Variants in ITPR3 observed in about 807,000 individuals in gnomAD.
ITPR3 encodes inositol 1,4,5-trisphosphate-gated calcium channel ITPR3.
Under a neutral mutation model 293.2 loss-of-function variants are expected in ITPR3, and 173 were observed. The ratio of observed to expected loss-of-function variants is 0.59; its 90% confidence interval spans 0.52 to 0.67. The LOEUF (loss-of-function observed/expected upper bound fraction) is 0.67. Among genes scored for constraint, ITPR3 ranks in the 30% least tolerant of loss-of-function variants. The pLI, the probability that ITPR3 is intolerant of heterozygous loss-of-function variation, is 0.00. For missense variants in ITPR3, 2,796 were observed against 3,592.1 expected (o/e 0.78, Z 5.66); for synonymous variants, 1,295 against 1,444.4 (o/e 0.90, Z 2.35).
intron 1 of ITPR3, among the ~76,000 whole-genome samples, chr6:33,622,528 C>G (rs555197760): frequency 6.6e-6 from 1 of 152,100 alleles, no homozygotes; most frequent in Non-Finnish European, 1.5e-5. Context: ...GGTGGTTTCT[C>G]CAGCCAGACC....
chr6:33,676,144 T>C (rs1764901141), intron 25 of ITPR3, among the ~76,000 whole-genome samples: 1 of 152,276 alleles, frequency 6.6e-6, no homozygotes, highest in Non-Finnish European at 1.5e-5. Flanking sequence ...CTGACGTGAC[T>C]GGCATTTGCT....
At chr6:33,644,586 A>T (rs367898379) in intron 2 of ITPR3, among the ~76,000 whole-genome samples, 237 of 151,894 alleles carry the variant, frequency 1.6e-3, no homozygotes, top group African/African-American at 5.3e-3. Context: ...CTCATGCCTA[A>T]CACAAAGCTT....
chr6:33,693,669 C>T lies in ITPR3; in HGVS notation c.7749C>T (p.Tyr2583=). ...VLVRVKNKTD[Y]TGPESYVAQM... ...TCCGCGTGAAGAACAAGACCGACTA[C>T]ACGGGCCCTGAGAGCTACGTGGCCC... The change falls in exon 56 of 58, where the codon TAC becomes TAT. Residue 2583 remains tyrosine (Y), a synonymous_variant. Transcript: ENST00000605930. The T allele has an allele frequency of 6.2e-7, 1 of 1,614,224 alleles. No homozygotes were observed.
intron 55 of ITPR3, 137 bp downstream of exon 55, chr6:33,693,030 C>T (rs1362090859): frequency 3.6e-6 from 3 of 830,132 alleles, no homozygotes; most frequent in Non-Finnish European, 3.7e-6. Context: ...TTTGCTCATC[C>T]CAGAACTGGG....
chr6:33,690,373 CCCTGATGGCCACT>C (rs918204901), intron 51 of ITPR3, among the ~76,000 whole-genome samples, 175 bp downstream of exon 51: 5 of 152,144 alleles, frequency 3.3e-5, no homozygotes, highest in Non-Finnish European at 7.4e-5. Flanking sequence ...GCCCTCAAGG[CCCTGATGGCCACT>C]CCTGGTGGCC....
intron 1 of ITPR3, among the ~76,000 whole-genome samples, chr6:33,639,394 A>T (rs1211987395): frequency 6.7e-6 from 1 of 150,076 alleles, no homozygotes; most frequent in South Asian, 2.1e-4. Context: ...AAAAAAAAAA[A>T]ACAGAAAAGA....
In ITPR3 at chr6:33,658,602, C is replaced by T. The variant is rs748323588; in HGVS notation, c.370-68C>T. 1.8e-5 allele frequency: 28 copies of T among 1,546,952 alleles called. No individual in the cohort carries two copies. The highest frequency in any genetic ancestry group is 2.4e-5 in the Non-Finnish European group (27 of 1,127,350). The stretch of plus-strand genomic sequence containing the variant: ...TGACCAAGGGTCTAGGGGATCCCCC[C>T]ATATCCCCTCCCTAATGGGCCGACT... On this transcript the variant is annotated intron_variant, in intron 4 of 57. Transcript: ENST00000605930. The surrounding 1 kb of genome is among the most constrained non-coding windows in gnomAD (Gnocchi z 6.1).
Position 33,667,989 on chromosome 6 carries a change from C to A in ITPR3, c.1886+25C>A, listed in dbSNP as rs371430386. ...GGTGGGCCCGAACCCCCTCCCCGGC[C>A]GGCGCCTGCTCCTCCCTCCTCCCTT... On this transcript the variant is annotated intron_variant, in intron 16 of 57. Coordinates refer to ENST00000605930, the MANE Select transcript of ITPR3 (RefSeq NM_002224.4). This position sits in a 1 kb window ranked among gnomAD's most constrained non-coding sequence, Gnocchi z 4.4. 6.2e-6 allele frequency: 10 copies of A among 1,612,254 alleles called. No homozygotes were observed. Among genetic ancestry groups the A allele is most frequent in the Non-Finnish European group, 8.5e-6 (10 of 1,179,220 alleles).
intron 50 of ITPR3, 93 bp downstream of exon 50, chr6:33,689,503 C>T: frequency 7.1e-7 from 1 of 1,412,192 alleles, no homozygotes; most frequent in Non-Finnish European, 9.7e-7. Flanking sequence ...GGAGCCACTG[C>T]TCTGTCCCAT....
rs376600507 is a variant in ITPR3 at position 33,687,049 on chromosome 6, G to A, written c.6020G>A (p.Arg2007Gln). Residue 2007 changes from arginine (R) to glutamine (Q), a missense_variant, in exon 44 of 58, where the codon CGG becomes CAG. Coordinates refer to ENST00000605930, the MANE Select transcript of ITPR3 (RefSeq NM_002224.4). The surrounding 1 kb of genome is among the most constrained non-coding windows in gnomAD (Gnocchi z 5.3). ...CTGCTCCTGGCTCTGATGGAGAGCC[G>A]GCATGACAGTGAAAATGCTGAGCGA... The part of the protein sequence containing the change: ...SKLLLALMES[R>Q]HDSENAERIL... The A allele has an allele frequency of 6.6e-5, 107 of 1,613,974 alleles. No individual in the cohort carries two copies. In the East Asian group the frequency reaches 1.0e-3, roughly 15 times the overall value.
At chr6:33,686,010 C>G in intron 41 of ITPR3, 43 bp from the exon 42 acceptor site, 1 of 1,603,466 alleles carries the variant, frequency 6.2e-7, no homozygotes. Context: ...CCTCCCTCTC[C>G]GTGCTGTAGC....
chr6:33,640,251 G>A (rs557415036), intron 1 of ITPR3, among the ~76,000 whole-genome samples: 2 of 152,250 alleles, frequency 1.3e-5, no homozygotes, highest in African/African-American at 4.8e-5. Context: ...AGGGGGCTGG[G>A]GTGGGCTGGG....
rs369361853 is a variant in ITPR3, at chr6:33,686,466, A to G, written c.5926A>G (p.Asn1976Asp). 39 of 1,614,068 alleles carry G rather than the reference A, an allele frequency of 2.4e-5. No homozygotes were observed. The highest frequency in any genetic ancestry group is 3.2e-5 in the Non-Finnish European group (38 of 1,180,032). ...GIDIITALIL[N>D]DISPLCKYRM... ...AGACATCATCACCGCACTGATCCTC[A>G]ATGACATCAGCCCCCTGTGCAAGTA... The change falls in exon 43 of 58, where the codon AAT becomes GAT. Residue 1976 changes from asparagine to aspartate, a missense_variant. Asn to Asp is a conservative substitution (Grantham distance 23, BLOSUM62 1). Transcript: ENST00000605930.
At chr6:33,688,876 G>A (rs1561882322) in intron 49 of ITPR3, 95 bp downstream of exon 49, 2 of 1,528,580 alleles carry the variant, frequency 1.3e-6, no homozygotes, top group Non-Finnish European at 1.8e-6. Context: ...GCCTCTGAGG[G>A]CACCAGATGC....
At chr6:33,674,471 C>A (rs1320403678) in intron 24 of ITPR3, among the ~76,000 whole-genome samples, 1 of 152,250 alleles carries the variant, frequency 6.6e-6, no homozygotes, top group African/African-American at 2.4e-5. Flanking sequence ...GTCATCCCGT[C>A]ATTCTTCCAC....
chr6:33,624,434 G>A lies in ITPR3; in HGVS notation c.89+2743G>A, dbSNP rs11754153. Among the ~76,000 whole-genome samples, 14,043 of 152,268 alleles carry A rather than the reference G, an allele frequency of 0.092. 718 individuals carry two copies. The highest frequency in any genetic ancestry group is 0.12 in the Non-Finnish European group (8,107 of 68,026). On this transcript the variant is annotated intron_variant, in intron 1 of 57. Transcript: ENST00000605930. This position sits in a 1 kb window ranked among gnomAD's most constrained non-coding sequence, Gnocchi z 4.7. ...CAGTCCAGCAGCTTCAGCGTCACCAGGAAGTTTGTCAGAAATGCAGAATCT... is the reference window on the plus strand; with the variant it reads ...CAGTCCAGCAGCTTCAGCGTCACCAAGAAGTTTGTCAGAAATGCAGAATCT...
rs1201879227 is a variant in ITPR3 at position 33,692,348 on chromosome 6, G to A, written c.7459-380G>A. 6.6e-6 allele frequency among the ~76,000 whole-genome samples: 1 copy of A among 152,178 alleles called. No individual in the cohort carries two copies. The highest frequency in any genetic ancestry group is 1.5e-5 in the Non-Finnish European group (1 of 68,028). ...TCCCTGGCCAGACAGAGGGTTTCTGGAATGTGTGAGGCCAGGCGTCCTGAG... is the reference window on the plus strand; with the variant it reads ...TCCCTGGCCAGACAGAGGGTTTCTGAAATGTGTGAGGCCAGGCGTCCTGAG... On this transcript the variant is annotated intron_variant, in intron 54 of 57. Transcript: ENST00000605930. The surrounding 1 kb of genome is among the most constrained non-coding windows in gnomAD (Gnocchi z 4.2).
At chr6:33,649,160 C>G (rs371937213) in intron 2 of ITPR3, among the ~76,000 whole-genome samples, 10 of 152,156 alleles carry the variant, frequency 6.6e-5, no homozygotes, top group African/African-American at 2.2e-4. Flanking sequence ...GCCTCAGCCT[C>G]CCAAAGTGCT....
Position 33,659,131 on chromosome 6 carries a change from G to A in ITPR3, c.627+12G>A. ...CCGGCTGCAAGGAGGTGAGGGGGTG[G>A]GGGGTCAGCCATGCAGTGCAGGGAC... On this transcript the variant is annotated intron_variant, in intron 6 of 57. Coordinates refer to ENST00000605930, the MANE Select transcript of ITPR3 (RefSeq NM_002224.4). 1 of 1,611,314 alleles carries A rather than the reference G, an allele frequency of 6.2e-7. No individual in the cohort carries two copies. The highest frequency in any genetic ancestry group is 1.7e-5 in the Admixed American group (1 of 59,952).
Sources: gnomAD v4.1 joint callset for allele counts (sites outside exome capture counted in the v4.1 genomes callset) on GRCh38, gnomAD v4.1.1 for gene constraint, Gnocchi (gnomAD v3.1) non-coding constraint, MANE v1.5 for transcripts, NCBI Gene and HGNC (gene_info 2026-07-23, HGNC 2026-07-21) for gene names.